TBCE: variants seen among roughly 807,000 people sequenced by gnomAD.
TBCE encodes the protein tubulin folding cofactor E.
In TBCE, 53 loss-of-function variants were observed where a neutral mutation model predicts 77.0. That is an observed-to-expected ratio of 0.69 (90% CI 0.55 to 0.87). TBCE has a LOEUF of 0.87. Ranked by LOEUF, TBCE falls within the 40% of genes least tolerant of loss-of-function variation. TBCE has a pLI of 0.00. For synonymous variants in TBCE, 235 were observed against 241.3 expected, an observed-to-expected ratio of 0.97 and a Z score of 0.24; for missense variants, 624 against 622.4, an observed-to-expected ratio of 1.00 and a Z score of -0.03.
rs999471550 is a variant in TBCE at position 235,438,564 on chromosome 1, G to A, written c.1117-205G>A. ...CTCCATCTCAAATTAAAAAAAAAAA[G>A]AGTGTAAAACTGAAATTCTTTTTTC... On this transcript the variant is annotated intron_variant, in intron 12 of 16. Transcript: ENST00000642610. Among the ~76,000 whole-genome samples, 228 of 108,176 alleles carry A rather than the reference G, an allele frequency of 2.1e-3. 2 individuals carry two copies. Among genetic ancestry groups the A allele is most frequent in the Middle Eastern group, 5.0e-3 (1 of 202 alleles). The allele number at this position is 108,176 out of a possible 152,430, so 71.0% of individuals were successfully genotyped here. A position where few individuals can be genotyped will look rare whatever the true frequency, so the allele number is the denominator to read the frequency against.
intron 3 of TBCE, among the ~76,000 whole-genome samples, chr1:235,406,155 A>G (rs1424857280): frequency 6.6e-6 from 1 of 152,198 alleles, no homozygotes; most frequent in African/African-American, 2.4e-5. Context: ...TTATCTGTGA[A>G]TTCCATTTCA....
At position 235,448,349 on chromosome 1, in the gene TBCE, G is replaced by T. The variant is rs1682604520; in HGVS notation, c.1400G>T (p.Gly467Val). 1 of 1,613,804 alleles carries T rather than the reference G, an allele frequency of 6.2e-7. No homozygotes were observed. ...ATGGACTTTTCTTGTCTTTTGATAG[G>T]CTCCATGACAATTCAAAAGGTGAAG... ...DQKVLEKQLP[G>V]SMTIQKVKGL... The change falls in exon 16 of 17, where the codon GGC becomes GTC. Residue 467 changes from glycine (G) to valine (V), a missense_variant and splice_region_variant. Gly to Val is a moderately radical substitution (Grantham distance 109). Coordinates refer to ENST00000642610, the MANE Select transcript of TBCE (RefSeq NM_003193.5).
In TBCE at chr1:235,450,284, C is replaced by A; in HGVS notation, c.*1522C>A. The A allele has an allele frequency of 1.2e-6, 2 of 1,613,988 alleles. No homozygotes were observed. Among genetic ancestry groups the A allele is most frequent in the Non-Finnish European group, 1.7e-6 (2 of 1,179,858 alleles). ...GTTCCGTCAGTTCCCACGGAGAATA[C>A]TGAGGAGAAGACAGCATTCCTGTCT... On this transcript the variant is annotated 3_prime_UTR_variant, in exon 17 of 17. Coordinates refer to ENST00000642610, the MANE Select transcript of TBCE (RefSeq NM_003193.5).
intron 8 of TBCE, among the ~76,000 whole-genome samples, chr1:235,435,227 T>C (rs1197414291): frequency 6.6e-6 from 1 of 151,696 alleles, no homozygotes; most frequent in Non-Finnish European, 1.5e-5. Context: ...CAGCCTCCCA[T>C]GTAGCTGGGA....
chr1:235,406,149 C>T (rs1679412724), intron 3 of TBCE, among the ~76,000 whole-genome samples: 1 of 152,112 alleles, frequency 6.6e-6, no homozygotes, highest in African/African-American at 2.4e-5. Context: ...GTAATGTTAT[C>T]TGTGAATTCC....
intron 12 of TBCE, 29 bp from the exon 13 acceptor site, chr1:235,438,740 A>T: frequency 6.2e-7 from 1 of 1,614,144 alleles, no homozygotes; most frequent in Non-Finnish European, 8.5e-7. Flanking sequence ...GCTTTGTAAT[A>T]GGCTTGTTTT....
intron 2 of TBCE, among the ~76,000 whole-genome samples, chr1:235,382,299 G>A (rs1236364869): frequency 6.6e-6 from 1 of 152,074 alleles, no homozygotes; most frequent in Non-Finnish European, 1.5e-5. Flanking sequence ...CTTTATAGCA[G>A]CATGATTTGT....
rs373419817 is a variant in TBCE, at chr1:235,414,416, T to G, written c.186-17T>G. ...GTGGGTAATATTTTCTGTGTTTCAT[T>G]TGCTCTTCTTTACCAGGCACCCGAC... On this transcript the variant is annotated splice_polypyrimidine_tract_variant and intron_variant, in intron 3 of 16. Transcript: ENST00000642610. 1 of 1,612,996 alleles carries G rather than the reference T, an allele frequency of 6.2e-7. No individual in the cohort carries two copies. Among genetic ancestry groups the G allele is most frequent in the Non-Finnish European group, 8.5e-7 (1 of 1,179,892 alleles).
At chr1:235,439,421 G>C (rs867889620) in intron 13 of TBCE, among the ~76,000 whole-genome samples, 7 of 149,040 alleles carry the variant, frequency 4.7e-5, no homozygotes, top group East Asian at 2.1e-4. Flanking sequence ...GTGTGAACCC[G>C]GGGGGCGGAG....
Position 235,374,315 on chromosome 1 carries a change from C to T in TBCE, c.-31-5704C>T, listed in dbSNP as rs998133096. Reference sequence around the variant, plus strand: ...ACCCCACGTGCAGGTCAGGCCACATCTGGAATGTGGCGTTCAGTTCTAGAT... The same window carrying T: ...ACCCCACGTGCAGGTCAGGCCACATTTGGAATGTGGCGTTCAGTTCTAGAT... On this transcript the variant is annotated intron_variant, in intron 1 of 16. Transcript: ENST00000642610. Among the ~76,000 whole-genome samples, 2 of 145,796 alleles carry T rather than the reference C, an allele frequency of 1.4e-5. 1 individual carries two copies. The highest frequency in any genetic ancestry group is 5.3e-5 in the African/African-American group (2 of 37,746).
chr1:235,426,365 T>C (rs1680714198), intron 5 of TBCE, among the ~76,000 whole-genome samples: 1 of 152,176 alleles, frequency 6.6e-6, no homozygotes, highest in Non-Finnish European at 1.5e-5. Context: ...TCCTAAGTCA[T>C]GCGCTTTTGC....
intron 1 of TBCE, among the ~76,000 whole-genome samples, chr1:235,368,575 T>TG (rs1676708235): frequency 6.9e-6 from 1 of 144,482 alleles, no homozygotes. Flanking sequence ...TTTTTTTTTT[T>TG]GATATGGAGT....
intron 2 of TBCE, among the ~76,000 whole-genome samples, chr1:235,397,251 G>A (rs1678792227): frequency 6.7e-6 from 1 of 149,294 alleles, no homozygotes; most frequent in Non-Finnish European, 1.5e-5. Context: ...GCCCAGGCTG[G>A]AGTGCAGTGG....
At chr1:235,448,242 A>C in intron 15 of TBCE, 107 bp from the exon 16 acceptor site, 1 of 794,714 alleles carries the variant, frequency 1.3e-6, no homozygotes, top group South Asian at 1.5e-5. Flanking sequence ...AAAAAAAAAG[A>C]CAGATACAGC....
At chr1:235,391,273 A>G (rs1217998999) in intron 2 of TBCE, among the ~76,000 whole-genome samples, 1 of 151,986 alleles carries the variant, frequency 6.6e-6, no homozygotes, top group Non-Finnish European at 1.5e-5. Flanking sequence ...CACTTGGTCA[A>G]GAGTTCGAGA....
At position 235,436,114 on chromosome 1, in the gene TBCE, G is replaced by A. The variant is rs557408226; in HGVS notation, c.834-272G>A. ...GGAAAGTCTTCATTCATTAAACTCC[G>A]GGCAGTAGACCGTGTCTCTTTCCTC... On this transcript the variant is annotated intron_variant, in intron 9 of 16. Coordinates refer to ENST00000642610, the MANE Select transcript of TBCE (RefSeq NM_003193.5). 20 of 600,270 alleles carry A rather than the reference G, an allele frequency of 3.3e-5. 1 individual carries two copies. Among genetic ancestry groups the A allele is most frequent in the South Asian group, 1.6e-4 (8 of 49,290 alleles). The allele number at this position is 600,270 out of a possible 1,614,324, so 37.2% of individuals were successfully genotyped here. A position where few individuals can be genotyped will look rare whatever the true frequency, so the allele number is the denominator to read the frequency against.
Position 235,414,563 on chromosome 1 carries a change from A to G in TBCE, c.316A>G (p.Ile106Val), listed in dbSNP as rs1326613890. 3.7e-6 allele frequency: 6 copies of G among 1,613,830 alleles called. No homozygotes were observed. The highest frequency in any genetic ancestry group is 1.7e-5 in the Admixed American group (1 of 59,998). The change falls in exon 4 of 17, where the codon ATT (isoleucine) becomes GTT (valine). Residue 106 changes from isoleucine to valine, a missense_variant. Transcript: ENST00000642610. ...AGATAGAAAAGAGCAAATTGTTACA[A>G]TTGGAAATAAACCTGTGGAGACTAT... ...EEDRKEQIVT[I>V]GNKPVETIGF...
intron 2 of TBCE, among the ~76,000 whole-genome samples, chr1:235,393,633 A>C (rs1346609235): frequency 6.6e-6 from 1 of 152,192 alleles, no homozygotes; most frequent in Non-Finnish European, 1.5e-5. Flanking sequence ...ACTGTATTGA[A>C]ATATATTGAA....
chr1:235,445,669 CT>C (rs1005468852), intron 15 of TBCE, among the ~76,000 whole-genome samples: 9 of 151,314 alleles, frequency 5.9e-5, no homozygotes, highest in East Asian at 3.9e-4. Flanking sequence ...ACTGCAATAT[CT>C]TTTTTTTTAT....
Sources: allele counts gnomAD v4.1 joint callset (sites outside exome capture counted in the v4.1 genomes callset), GRCh38; gene constraint gnomAD v4.1.1; transcripts MANE v1.5; gene names NCBI Gene and HGNC (gene_info 2026-07-23, HGNC 2026-07-21).